The following LYRM4 variants were observed in gnomAD, a reference collection of about 807,000 sequenced individuals.
LYRM4 encodes LYR motif-containing protein 4.
LYRM4 carries 9 observed loss-of-function variants against 11.7 expected under a neutral mutation model. The observed-to-expected ratio is 0.77, with a 90% CI of 0.46 to 1.34. LYRM4 has a LOEUF of 1.34. LYRM4 is among the 40% of genes most tolerant of loss of function. LYRM4 has a pLI of 0.00. For missense variants in LYRM4, 133 were observed against 112.5 expected, an observed-to-expected ratio of 1.18 and a Z score of -0.82; for synonymous variants, 42 against 40.4, an observed-to-expected ratio of 1.04 and a Z score of -0.15.
At chr6:5,221,578 A>G (rs1359681166) in intron 1 of LYRM4, among the ~76,000 whole-genome samples, 1 of 152,230 alleles carries the variant, frequency 6.6e-6, no homozygotes, top group Non-Finnish European at 1.5e-5. Context: ...CTGTAATCCC[A>G]GCTACCTGGG....
intron 2 of LYRM4, among the ~76,000 whole-genome samples, chr6:5,195,336 T>A (rs1760988547): frequency 6.6e-6 from 1 of 151,932 alleles, no homozygotes; most frequent in African/African-American, 2.4e-5. Flanking sequence ...TCAGGCCGGG[T>A]ATGGTGGCTC....
intron 2 of LYRM4, among the ~76,000 whole-genome samples, chr6:5,209,287 G>T (rs939694669): frequency 6.6e-6 from 1 of 152,024 alleles, no homozygotes; most frequent in Middle Eastern, 3.2e-3. Flanking sequence ...AGTAGAGATG[G>T]GGTTTCACCA....
chr6:5,216,655 T>C lies in LYRM4; in HGVS notation c.170A>G (p.Asn57Ser), dbSNP rs767115471. ...KDPVEIQTLVNKAKRDLGVIR... is the reference protein window; with the variant it reads ...KDPVEIQTLVSKAKRDLGVIR... Reference sequence around the variant, plus strand: ...TACTCCAAGGTCTCTCTTGGCTTTATTCACTAGGGTTTGAATTTCTACAGG... The same window carrying C: ...TACTCCAAGGTCTCTCTTGGCTTTACTCACTAGGGTTTGAATTTCTACAGG... Residue 57 changes from asparagine (N) to serine (S), a missense_variant, in exon 2 of 3, where the codon AAT (asparagine) becomes AGT (serine). By Grantham distance (46) the Asn-to-Ser change is conservative. Coordinates refer to ENST00000330636, the MANE Select transcript of LYRM4 (RefSeq NM_020408.6). 3.1e-6 allele frequency: 5 copies of C among 1,614,036 alleles called. No individual in the cohort carries two copies. The highest frequency in any genetic ancestry group is 3.3e-5 in the Admixed American group (2 of 60,006).
chr6:5,119,337 C>A (rs777648715), intron 2 of LYRM4, among the ~76,000 whole-genome samples: 1 of 152,142 alleles, frequency 6.6e-6, no homozygotes, highest in Non-Finnish European at 1.5e-5. Flanking sequence ...CATGCCCACA[C>A]GTCCAGTCCA....
chr6:5,122,539 G>A (rs1046835100), intron 2 of LYRM4, among the ~76,000 whole-genome samples: 4 of 152,194 alleles, frequency 2.6e-5, no homozygotes, highest in African/African-American at 9.7e-5. Context: ...GGAGTCTGAT[G>A]CTTTTTGGCA....
the LYRM4 span, among the ~76,000 whole-genome samples, chr6:5,067,732 T>C: frequency 6.6e-6 from 1 of 152,196 alleles, no homozygotes; most frequent in Non-Finnish European, 1.5e-5. Context: ...AACTTTACAT[T>C]TGGGAAAAGG....
the LYRM4 span, among the ~76,000 whole-genome samples, chr6:5,079,977 T>C: frequency 6.6e-6 from 1 of 152,234 alleles, no homozygotes; most frequent in African/African-American, 2.4e-5. Context: ...CTTCCAATGT[T>C]TGCATAGTGG....
chr6:5,135,477 GCTCCTGGGGCTGTGGAGGGTGCGGTTCA>G lies in LYRM4; in HGVS notation c.208-26014_208-25987del, dbSNP rs1757042085. Among the ~76,000 whole-genome samples the G allele has an allele frequency of 1.0e-4, 10 of 100,490 alleles. 2 individuals are homozygous for G. Among genetic ancestry groups the G allele is most frequent in the African/African-American group, 4.0e-4 (9 of 22,496 alleles). The allele number at this position is 100,490 out of a possible 152,430, so 65.9% of individuals were successfully genotyped here. On this transcript the variant is annotated intron_variant, in intron 2 of 2. Coordinates refer to ENST00000330636, the MANE Select transcript of LYRM4 (RefSeq NM_020408.6). ...CCCGGGACTGTGGAGGGTGCGGATCGCTCCTGGGGCTGTGGAGGGTGCGGTTCACTCCCGGGACTGTGGAGGGTGCGGA... is the reference window on the plus strand; with the variant it reads ...CCCGGGACTGTGGAGGGTGCGGATCGCTCCCGGGACTGTGGAGGGTGCGGA...
chr6:5,148,573 T>C (rs1283420594), intron 2 of LYRM4, among the ~76,000 whole-genome samples: 2 of 80,650 alleles, frequency 2.5e-5, no homozygotes, highest in Non-Finnish European at 5.4e-5. Context: ...GTGCAAAACA[T>C]GGATGAGAAA....
chr6:5,045,455 T>A, the LYRM4 span, among the ~76,000 whole-genome samples: 1 of 152,172 alleles, frequency 6.6e-6, no homozygotes, highest in Admixed American at 6.5e-5. Flanking sequence ...GGCCAGGGAC[T>A]CGGGGAGAGA....
At chr6:5,100,009 T>A (rs562880736), downstream of LYRM4, among the ~76,000 whole-genome samples, 2 of 152,352 alleles carry the variant, frequency 1.3e-5, no homozygotes, top group East Asian at 3.9e-4. Flanking sequence ...CCTGTCAATG[T>A]CTGGACCAGA....
chr6:5,176,542 G>A (rs1017303180), intron 2 of LYRM4, among the ~76,000 whole-genome samples: 89 of 152,268 alleles, frequency 5.8e-4, no homozygotes, highest in African/African-American at 1.9e-3. Context: ...TCTGCTGTCC[G>A]TTCCTCCCCT....
At chr6:5,114,567 A>C (rs1472260056) in intron 2 of LYRM4, among the ~76,000 whole-genome samples, 1 of 152,172 alleles carries the variant, frequency 6.6e-6, no homozygotes, top group African/African-American at 2.4e-5. Context: ...ACAGGTACCT[A>C]TTGTAGCTGT....
Position 5,260,845 on chromosome 6 carries a change from T to A in LYRM4, c.-112A>T. 2 of 1,503,226 alleles carry A rather than the reference T, an allele frequency of 1.3e-6. No homozygotes were observed. The highest frequency in any genetic ancestry group is 1.3e-5 in the South Asian group (1 of 79,574). 93.1% of individuals were successfully genotyped at this position (1,503,226 alleles called of 1,614,324 possible). ...CACGAACGAAATAAAATGCTGCGGC[T>A]CGGCTTTGCCAGCGGGCCGGGCCTA... is the stretch of plus-strand genomic sequence containing the variant. On this transcript the variant is annotated 5_prime_UTR_variant, in exon 1 of 3. Coordinates refer to ENST00000330636, the MANE Select transcript of LYRM4 (RefSeq NM_020408.6).
At chr6:5,150,903 A>G (rs1010422568) in intron 2 of LYRM4, among the ~76,000 whole-genome samples, 4 of 152,050 alleles carry the variant, frequency 2.6e-5, no homozygotes, top group East Asian at 1.9e-4. Context: ...ATGGTATAGC[A>G]TTCTCTTCCA....
chr6:5,120,464 C>T (rs541820362), intron 2 of LYRM4, among the ~76,000 whole-genome samples: 6 of 152,306 alleles, frequency 3.9e-5, no homozygotes, highest in Non-Finnish European at 5.9e-5. Context: ...AGTGTTACAA[C>T]TCTTAAAGGT....
At chr6:5,181,482 AAAG>A (rs1346615806) in intron 2 of LYRM4, among the ~76,000 whole-genome samples, 1 of 152,156 alleles carries the variant, frequency 6.6e-6, no homozygotes, top group African/African-American at 2.4e-5. Context: ...CCTAAAATCC[AAAG>A]AAAACAAAAC....
intron 1 of LYRM4, among the ~76,000 whole-genome samples, chr6:5,226,205 T>TA (rs1762883729): frequency 6.6e-6 from 1 of 152,234 alleles, no homozygotes; most frequent in South Asian, 2.1e-4. Flanking sequence ...ATCATATGTA[T>TA]AAAAGCCTAC....
the LYRM4 span, among the ~76,000 whole-genome samples, chr6:5,073,404 G>T: frequency 6.6e-6 from 1 of 150,810 alleles, no homozygotes; most frequent in South Asian, 2.1e-4. Flanking sequence ...TGGCATCAAA[G>T]ATTTCTCTAT....
Sources: gnomAD v4.1 joint callset for allele counts (sites outside exome capture counted in the v4.1 genomes callset) on GRCh38, gnomAD v4.1.1 for gene constraint, MANE v1.5 for transcripts, NCBI Gene and HGNC (gene_info 2026-07-23, HGNC 2026-07-21) for gene names.